ST7L: variants seen among roughly 807,000 people sequenced by gnomAD.
ST7L encodes suppression of tumorigenicity 7 like.
In ST7L, 57 loss-of-function variants were observed where a neutral mutation model predicts 72.5. The observed-to-expected ratio is 0.79, with a 90% CI of 0.64 to 0.98. The LOEUF (loss-of-function observed/expected upper bound fraction) is 0.98, where lower values mean the gene tolerates loss of function less well. Among genes scored for constraint, ST7L ranks in the 50% least tolerant of loss-of-function variants. The probability of loss-of-function intolerance (pLI) is 0.00; values close to 1 mark genes in which losing one functional copy is unlikely to be tolerated. For synonymous variants in ST7L, 221 were observed against 240.9 expected (o/e 0.92, Z 0.77); for missense variants, 576 against 672.2 (o/e 0.86, Z 1.58).
At chr1:112,549,298 C>A (rs1657695829) in intron 13 of ST7L, among the ~76,000 whole-genome samples, 1 of 152,232 alleles carries the variant, frequency 6.6e-6, no homozygotes, top group South Asian at 2.1e-4. Flanking sequence ...GAGGCTGAGG[C>A]ACAAGAATCG....
At chr1:112,617,585 G>A (rs1396207713) in intron 1 of ST7L, among the ~76,000 whole-genome samples, 1 of 151,990 alleles carries the variant, frequency 6.6e-6, no homozygotes, top group Non-Finnish European at 1.5e-5. Context: ...GGTGGTGCAC[G>A]CCTGCAGTCC....
intron 6 of ST7L, among the ~76,000 whole-genome samples, chr1:112,591,153 G>A (rs1361617755): frequency 1.3e-5 from 2 of 151,850 alleles, no homozygotes; most frequent in East Asian, 1.9e-4. Context: ...GGGTGGTCTC[G>A]ATCTCCTGAC....
chr1:112,612,935 T>C (rs985179694), intron 2 of ST7L, among the ~76,000 whole-genome samples: 12 of 151,518 alleles, frequency 7.9e-5, no homozygotes, highest in Admixed American at 3.3e-4. Flanking sequence ...CTGGACAACA[T>C]AGTGAGACCC....
intron 13 of ST7L, among the ~76,000 whole-genome samples, chr1:112,549,626 T>C (rs1469457487): frequency 6.6e-6 from 1 of 152,170 alleles, no homozygotes; most frequent in Non-Finnish European, 1.5e-5. Flanking sequence ...TTAATTTTAG[T>C]ATATTGATCT....
intron 2 of ST7L, 29 bp downstream of exon 2, chr1:112,616,784 C>A: frequency 3.4e-6 from 5 of 1,473,944 alleles, no homozygotes; most frequent in African/African-American, 2.9e-5. Flanking sequence ...AACACCAAAA[C>A]ATGAAGGAAG....
intron 14 of ST7L, chr1:112,528,282 T>C (rs1379316395): frequency 6.6e-6 from 1 of 152,138 alleles, no homozygotes; most frequent in African/African-American, 2.4e-5. Flanking sequence ...TATAAGGAAT[T>C]TCAAGCAAGT....
chr1:112,610,656 C>T (rs932769297), intron 3 of ST7L, 185 bp downstream of exon 3: 42 of 647,880 alleles, frequency 6.5e-5, no homozygotes, highest in Non-Finnish European at 9.9e-5. Context: ...TCCCTGAGGG[C>T]ACTGCCCTCA....
intron 3 of ST7L, among the ~76,000 whole-genome samples, chr1:112,602,166 G>C (rs1170955424): frequency 2.0e-5 from 3 of 151,644 alleles, no homozygotes; most frequent in African/African-American, 7.3e-5. Context: ...ACAGTAAAGA[G>C]TTTAGATATT....
chr1:112,577,111 A>G (rs1663221583), intron 10 of ST7L, 23 bp from the exon 11 acceptor site: 1 of 1,468,486 alleles, frequency 6.8e-7, no homozygotes. Flanking sequence ...CACAAAATGA[A>G]AAAATAAATA....
At position 112,524,817 on chromosome 1, in the gene ST7L, G is replaced by T. The variant is rs1406914084; in HGVS notation, c.*1196C>A. 1 of 152,050 alleles carries T rather than the reference G, an allele frequency of 6.6e-6. No homozygotes were observed. Among genetic ancestry groups the T allele is most frequent in the Non-Finnish European group, 1.5e-5 (1 of 68,028 alleles). The allele number at this position is 152,050 out of a possible 1,614,324, so 9.4% of individuals were successfully genotyped here. A position where few individuals can be genotyped will look rare whatever the true frequency, so the allele number is the denominator to read the frequency against. ...AGAGAACTTCTCTCAGGCTGCATAG[G>T]AGTTCTGCTCATCCTCCTCTCCCCA... On this transcript the variant is annotated 3_prime_UTR_variant, in exon 15 of 15. Coordinates refer to ENST00000358039, the MANE Select transcript of ST7L (RefSeq NM_017744.5).
chr1:112,601,287 C>G (rs1667345143), intron 3 of ST7L, among the ~76,000 whole-genome samples: 1 of 152,032 alleles, frequency 6.6e-6, no homozygotes, highest in African/African-American at 2.4e-5. Context: ...GCTCTGTCAC[C>G]CAGGCTGGAG....
In ST7L at chr1:112,524,740, A is replaced by AC. The variant is rs1187647646; in HGVS notation, c.*1272dup. 1 of 152,184 alleles carries AC rather than the reference A, an allele frequency of 6.6e-6. No individual in the cohort carries two copies. Among genetic ancestry groups the AC allele is most frequent in the Non-Finnish European group, 1.5e-5 (1 of 68,048 alleles). The allele number at this position is 152,184 out of a possible 1,614,324, so 9.4% of individuals were successfully genotyped here. ...CTTTGCCCTCCCTGTCAGCCTGAGCACAACCATGAGGTTACACACACACAC... is the reference window on the plus strand; with the variant it reads ...CTTTGCCCTCCCTGTCAGCCTGAGCACCAACCATGAGGTTACACACACACAC... On this transcript the variant is annotated 3_prime_UTR_variant, in exon 15 of 15. Transcript: ENST00000358039.
downstream of ST7L, among the ~76,000 whole-genome samples, chr1:112,519,401 C>T (rs2101097601): frequency 6.6e-6 from 1 of 152,256 alleles, no homozygotes; most frequent in African/African-American, 2.4e-5. Context: ...CGTTTTGAAC[C>T]TAGGCTAGTC....
chr1:112,533,165 T>C (rs1654653013), intron 14 of ST7L, among the ~76,000 whole-genome samples: 1 of 151,138 alleles, frequency 6.6e-6, no homozygotes, highest in Non-Finnish European at 1.5e-5. Flanking sequence ...AGTATTATTG[T>C]ACATTTTAAG....
chr1:112,587,525 C>T (rs1665041935), intron 6 of ST7L, among the ~76,000 whole-genome samples: 1 of 152,210 alleles, frequency 6.6e-6, no homozygotes, highest in African/African-American at 2.4e-5. Flanking sequence ...ATCACTTGAA[C>T]CCAGGAGGTG....
At chr1:112,538,496 C>T (rs1169192728) in intron 14 of ST7L, among the ~76,000 whole-genome samples, 2 of 152,132 alleles carry the variant, frequency 1.3e-5, no homozygotes, top group African/African-American at 2.4e-5. Flanking sequence ...GTGCACACCA[C>T]CACGCCTGGC....
intron 6 of ST7L, among the ~76,000 whole-genome samples, chr1:112,588,873 A>C (rs560295205): frequency 1.6e-4 from 25 of 152,244 alleles, no homozygotes; most frequent in African/African-American, 5.8e-4. Flanking sequence ...TAATGCATAC[A>C]TTGATATGCG....
At chr1:112,583,693 T>G (rs1043425718) in intron 7 of ST7L, among the ~76,000 whole-genome samples, 1 of 152,210 alleles carries the variant, frequency 6.6e-6, no homozygotes, top group African/African-American at 2.4e-5. Flanking sequence ...GTTTTTACAA[T>G]GACCAGCCCA....
chr1:112,609,944 T>C (rs770738006), intron 3 of ST7L, among the ~76,000 whole-genome samples: 8 of 152,202 alleles, frequency 5.3e-5, no homozygotes, highest in Non-Finnish European at 7.3e-5. Flanking sequence ...TTAAGTATAC[T>C]GAAAAAAATT....
Sources: allele counts gnomAD v4.1 joint callset (sites outside exome capture counted in the v4.1 genomes callset), GRCh38; gene constraint gnomAD v4.1.1; transcripts MANE v1.5; gene names NCBI Gene and HGNC (gene_info 2026-07-23, HGNC 2026-07-21).